The following XYLT1 variants were observed in gnomAD, a reference collection of about 807,000 sequenced individuals.
XYLT1 encodes the protein beta-D-xylosyltransferase 1.
Under a neutral mutation model 91.3 loss-of-function variants are expected in XYLT1, and 36 were observed. The observed-to-expected ratio is 0.39, with a 90% CI of 0.30 to 0.52. The LOEUF is 0.52. Ranked by LOEUF, XYLT1 falls within the 20% of genes least tolerant of loss-of-function variation. The pLI, the probability that XYLT1 is intolerant of heterozygous loss-of-function variation, is 0.68. For missense variants in XYLT1, 1,242 were observed against 1,284.5 expected (o/e 0.97, Z 0.51); for synonymous variants, 588 against 532.0 (o/e 1.11, Z -1.45).
chr16:17,326,685 C>T (rs916875566), intron 2 of XYLT1, among the ~76,000 whole-genome samples: 22 of 151,922 alleles, frequency 1.4e-4, no homozygotes, highest in African/African-American at 3.9e-4. Context: ...ATTAGCCGGG[C>T]GTGGTGGCAG....
At chr16:17,398,259 T>G (rs1227320500) in intron 1 of XYLT1, among the ~76,000 whole-genome samples, 1 of 152,166 alleles carries the variant, frequency 6.6e-6, no homozygotes, top group Non-Finnish European at 1.5e-5. Context: ...CAACAAGCAC[T>G]GCTTAAGTGC....
intron 5 of XYLT1, among the ~76,000 whole-genome samples, chr16:17,160,020 T>TA (rs1322806681): frequency 4.6e-5 from 7 of 152,210 alleles, no homozygotes; most frequent in Non-Finnish European, 1.0e-4. Context: ...AGCAGAAAGA[T>TA]AAAAAAACAT....
intron 3 of XYLT1, among the ~76,000 whole-genome samples, chr16:17,214,529 A>G (rs1443945998): frequency 6.6e-6 from 1 of 152,200 alleles, no homozygotes; most frequent in East Asian, 1.9e-4. Flanking sequence ...ATCCAAGAGC[A>G]TAACAAGTGA....
intron 9 of XYLT1, among the ~76,000 whole-genome samples, chr16:17,130,712 C>G (rs2030436852): frequency 6.6e-6 from 1 of 152,204 alleles, no homozygotes; most frequent in East Asian, 1.9e-4. Flanking sequence ...ACCTGGGCCT[C>G]TGCAGGAGCT....
At chr16:17,450,270 A>C (rs568695207) in intron 1 of XYLT1, among the ~76,000 whole-genome samples, 2 of 152,172 alleles carry the variant, frequency 1.3e-5, no homozygotes, top group African/African-American at 4.8e-5. Context: ...CCCAGGAGGC[A>C]GAGGTTGCAG....
intron 3 of XYLT1, among the ~76,000 whole-genome samples, chr16:17,225,438 G>A (rs1195260249): frequency 6.6e-6 from 1 of 152,108 alleles, no homozygotes; most frequent in Non-Finnish European, 1.5e-5. Context: ...CTGAGCATGA[G>A]CTCAGGTTAC....
intron 1 of XYLT1, among the ~76,000 whole-genome samples, chr16:17,445,082 C>A (rs1329236053): frequency 6.6e-6 from 1 of 152,226 alleles, no homozygotes; most frequent in Non-Finnish European, 1.5e-5. Flanking sequence ...TCACTACAAC[C>A]TTTGCCTCCA....
intron 6 of XYLT1, among the ~76,000 whole-genome samples, chr16:17,145,385 A>T (rs1422267918): frequency 6.6e-6 from 1 of 152,162 alleles, no homozygotes; most frequent in Admixed American, 6.5e-5. Flanking sequence ...TCCATAATCA[A>T]TTCAGGGATG....
intron 2 of XYLT1, among the ~76,000 whole-genome samples, chr16:17,305,445 T>G (rs1346704970): frequency 1.4e-5 from 2 of 147,916 alleles, no homozygotes; most frequent in Non-Finnish European, 3.0e-5. Flanking sequence ...AGATGGAGTC[T>G]CACTCTGTCA....
intron 3 of XYLT1, among the ~76,000 whole-genome samples, chr16:17,255,639 C>T (rs2033619298): frequency 6.6e-6 from 1 of 152,176 alleles, no homozygotes; most frequent in South Asian, 2.1e-4. Flanking sequence ...TAGACAGGAA[C>T]CACCTCGACC....
intron 5 of XYLT1, among the ~76,000 whole-genome samples, chr16:17,159,398 C>G (rs2031494172): frequency 6.6e-6 from 1 of 152,174 alleles, no homozygotes; most frequent in South Asian, 2.1e-4. Flanking sequence ...GCCTCCCGCT[C>G]TCTCCCCACC....
At chr16:17,375,648 G>T (rs548939126) in intron 1 of XYLT1, among the ~76,000 whole-genome samples, 1 of 152,322 alleles carries the variant, frequency 6.6e-6, no homozygotes, top group African/African-American at 2.4e-5. Flanking sequence ...TGATAAGGCT[G>T]GTCAAGTTCG....
Position 17,450,721 on chromosome 16 carries a change from T to C in XYLT1, c.363+19713A>G, listed in dbSNP as rs569347838. 6.1e-4 allele frequency among the ~76,000 whole-genome samples: 93 copies of C among 152,280 alleles called. 1 individual carries two copies. The highest frequency in any genetic ancestry group is 1.1e-3 in the Non-Finnish European group (77 of 68,008). On this transcript the variant is annotated intron_variant, in intron 1 of 11. Coordinates refer to ENST00000261381, the MANE Select transcript of XYLT1 (RefSeq NM_022166.4). The stretch of plus-strand genomic sequence containing the variant: ...ACTCCTGAAAGTCGAGATCACTTTG[T>C]CTTGCGTCGTAAACAGACTAAGACA...
At chr16:17,350,116 C>T (rs1057148304) in intron 2 of XYLT1, among the ~76,000 whole-genome samples, 20 of 152,240 alleles carry the variant, frequency 1.3e-4, no homozygotes, top group Admixed American at 2.6e-4. Flanking sequence ...CCTCGTGATC[C>T]GCCTGCCTCG....
At chr16:17,336,985 T>G (rs770731721) in intron 2 of XYLT1, among the ~76,000 whole-genome samples, 5 of 152,204 alleles carry the variant, frequency 3.3e-5, no homozygotes, top group Non-Finnish European at 5.9e-5. Flanking sequence ...GTGGACACTA[T>G]CATAGCATTT....
chr16:17,303,081 C>T lies in XYLT1; in HGVS notation c.403-43583G>A, dbSNP rs143777844. Among the ~76,000 whole-genome samples, 60 of 150,962 alleles carry T rather than the reference C, an allele frequency of 4.0e-4. 3 individuals are homozygous for T. Among genetic ancestry groups the T allele is most frequent in the African/African-American group, 1.3e-3 (52 of 40,322 alleles). The stretch of plus-strand genomic sequence containing the variant: ...TGGATCTTGAAAGACAGACCACTCA[C>T]TGATTCCTTGGTTTACTCATTCATT... On this transcript the variant is annotated intron_variant, in intron 2 of 11. Coordinates refer to ENST00000261381, the MANE Select transcript of XYLT1 (RefSeq NM_022166.4).
intron 11 of XYLT1, among the ~76,000 whole-genome samples, chr16:17,117,060 C>T (rs1308026656): frequency 1.3e-5 from 2 of 152,094 alleles, no homozygotes; most frequent in Non-Finnish European, 2.9e-5. Context: ...AGTTCTGCCA[C>T]TGTAGCTCTA....
At chr16:17,244,125 G>A (rs2033395647) in intron 3 of XYLT1, among the ~76,000 whole-genome samples, 1 of 152,138 alleles carries the variant, frequency 6.6e-6, no homozygotes, top group South Asian at 2.1e-4. Context: ...CTGAATCAGG[G>A]AAAGGGCAGA....
At chr16:17,143,171 C>T (rs1321652896) in intron 6 of XYLT1, among the ~76,000 whole-genome samples, 2 of 152,088 alleles carry the variant, frequency 1.3e-5, no homozygotes, top group Non-Finnish European at 2.9e-5. Context: ...GGCTTTTGGG[C>T]CAAACGCTCA....
Sources: allele counts gnomAD v4.1 joint callset (sites outside exome capture counted in the v4.1 genomes callset), GRCh38; gene constraint gnomAD v4.1.1; transcripts MANE v1.5; gene names NCBI Gene and HGNC (gene_info 2026-07-23, HGNC 2026-07-21).